Variants in METTL16 observed in about 807,000 individuals in gnomAD.
The protein encoded by METTL16 is RNA N(6)-adenosine-methyltransferase METTL16.
METTL16 carries 19 observed loss-of-function variants against 57.9 expected under a neutral mutation model. The ratio of observed to expected loss-of-function variants is 0.33; its 90% CI spans 0.23 to 0.48. The LOEUF (loss-of-function observed/expected upper bound fraction) is 0.48, where lower values mean the gene tolerates loss of function less well. Ranked by LOEUF, METTL16 falls within the 20% of genes least tolerant of loss-of-function variation. The pLI, the probability that METTL16 is intolerant of heterozygous loss-of-function variation, is 0.99. For missense variants in METTL16, 434 were observed against 691.5 expected, an observed-to-expected ratio of 0.63 and a Z score of 4.18; for synonymous variants, 246 against 255.6, an observed-to-expected ratio of 0.96 and a Z score of 0.36.
At chr17:2,503,203 T>TC (rs1241218651) in intron 1 of METTL16, among the ~76,000 whole-genome samples, 1 of 152,118 alleles carries the variant, frequency 6.6e-6, no homozygotes, top group Non-Finnish European at 1.5e-5. Context: ...AATCTGAGTG[T>TC]CCATCAGCAG....
Position 2,422,790 on chromosome 17 carries a change from C to T in METTL16, c.889-1886G>A, listed in dbSNP as rs544458921. Among the ~76,000 whole-genome samples, 6 of 152,030 alleles carry T rather than the reference C, an allele frequency of 3.9e-5. No homozygotes were observed. In the East Asian group the frequency reaches 1.2e-3, roughly 30 times the overall value. ...ATTGAGCTCAGGAGTTTGAGACCAG[C>T]CTGGCCAACATGGTGAAACCCCATC... On this transcript the variant is annotated intron_variant, in intron 8 of 9. Transcript: ENST00000263092.
chr17:2,437,785 A>T (rs1046713127), intron 8 of METTL16, among the ~76,000 whole-genome samples: 6 of 152,164 alleles, frequency 3.9e-5, no homozygotes, highest in Non-Finnish European at 8.8e-5. Flanking sequence ...CCTGGCCTCA[A>T]GTTATCCGCC....
Position 2,478,761 on chromosome 17 carries a change from C to T in METTL16, c.129-876G>A, listed in dbSNP as rs542509485. Among the ~76,000 whole-genome samples the T allele has an allele frequency of 2.6e-5, 4 of 152,324 alleles. No individual in the cohort carries two copies. In the East Asian group the frequency reaches 7.7e-4, roughly 29 times the overall value. Reference sequence around the variant, plus strand: ...ATAATGAGGTCTTCTGGTCACTTAACACAAGTTTGTGAGGTTCATCCATTT... The same window carrying T: ...ATAATGAGGTCTTCTGGTCACTTAATACAAGTTTGTGAGGTTCATCCATTT... On this transcript the variant is annotated intron_variant, in intron 2 of 9. Transcript: ENST00000263092.
At chr17:2,439,811 A>G (rs2066934031) in intron 7 of METTL16, among the ~76,000 whole-genome samples, 1 of 152,126 alleles carries the variant, frequency 6.6e-6, no homozygotes, top group African/African-American at 2.4e-5. Context: ...TTAGCCCTAA[A>G]AATATAAAAC....
intron 2 of METTL16, among the ~76,000 whole-genome samples, chr17:2,489,620 C>A (rs2067369129): frequency 6.8e-6 from 1 of 147,710 alleles, no homozygotes; most frequent in Non-Finnish European, 1.5e-5. Flanking sequence ...GTGCCTGTAA[C>A]CCCAGCTACT....
At chr17:2,422,330 C>T (rs1413999647) in intron 8 of METTL16, among the ~76,000 whole-genome samples, 2 of 119,468 alleles carry the variant, frequency 1.7e-5, no homozygotes, top group East Asian at 2.2e-4. Context: ...AGTGAAACTC[C>T]GTTTTAGAAA....
intron 3 of METTL16, among the ~76,000 whole-genome samples, chr17:2,474,436 A>G (rs905211201): frequency 3.3e-5 from 5 of 151,322 alleles, no homozygotes; most frequent in African/African-American, 1.2e-4. Context: ...CTCATCTCTC[A>G]GATGAGAAGA....
At chr17:2,471,685 A>C (rs2067236467) in intron 4 of METTL16, among the ~76,000 whole-genome samples, 1 of 152,014 alleles carries the variant, frequency 6.6e-6, no homozygotes, top group African/African-American at 2.4e-5. Context: ...GCTACTCGGG[A>C]GGTGAGGCAG....
chr17:2,464,104 A>T, intron 6 of METTL16, 104 bp downstream of exon 6: 2 of 1,235,344 alleles, frequency 1.6e-6, no homozygotes, highest in Non-Finnish European at 2.2e-6. Flanking sequence ...GCCTGGCAAC[A>T]AGAGCAAGAC....
At chr17:2,470,357 G>A (rs1271293128) in intron 4 of METTL16, among the ~76,000 whole-genome samples, 2 of 151,984 alleles carry the variant, frequency 1.3e-5, no homozygotes, top group Non-Finnish European at 2.9e-5. Context: ...ATAAAAGGAC[G>A]CTTGGTTCAC....
intron 2 of METTL16, among the ~76,000 whole-genome samples, chr17:2,500,456 T>A (rs1367928735): frequency 6.6e-6 from 1 of 152,062 alleles, no homozygotes; most frequent in East Asian, 2.0e-4. Context: ...CATTTTTGTA[T>A]TTTTAGTAGA....
intron 6 of METTL16, among the ~76,000 whole-genome samples, chr17:2,451,865 G>C (rs2067072975): frequency 6.6e-6 from 1 of 151,960 alleles, no homozygotes; most frequent in Admixed American, 6.6e-5. Context: ...AAAGATACTG[G>C]CTTGGCGTGG....
At chr17:2,501,663 G>C (rs1250466112) in intron 2 of METTL16, among the ~76,000 whole-genome samples, 1 of 152,098 alleles carries the variant, frequency 6.6e-6, no homozygotes, top group African/African-American at 2.4e-5. Flanking sequence ...TTCCAGACCA[G>C]TCTGACCAAC....
intron 2 of METTL16, among the ~76,000 whole-genome samples, chr17:2,486,529 C>A (rs2067342762): frequency 6.6e-6 from 1 of 152,028 alleles, no homozygotes. Context: ...CCTCGACCTC[C>A]CAAAGTGCTG....
chr17:2,475,905 A>G (rs2067265526), intron 3 of METTL16, among the ~76,000 whole-genome samples: 1 of 152,164 alleles, frequency 6.6e-6, no homozygotes, highest in African/African-American at 2.4e-5. Context: ...GCATAATTAA[A>G]ATCAAATTAG....
At position 2,420,835 on chromosome 17, in the gene METTL16, C is replaced by T. The variant is rs747282510; in HGVS notation, c.958G>A (p.Val320Met). The change falls in exon 9 of 10, where the codon GTG becomes ATG. Residue 320 changes from valine to methionine, a missense_variant. By Grantham distance (21) the Val-to-Met change is conservative. Transcript: ENST00000263092. This position sits in a 1 kb window ranked among gnomAD's most constrained non-coding sequence, Gnocchi z 5.4. ...KPITFVVLAS[V>M]MKELSLKASP... ...GCTTTGAGGGATAATTCCTTCATCA[C>T]GGACGCCAGCACCACGAATGTTATG... 16 of 1,614,214 alleles carry T rather than the reference C, an allele frequency of 9.9e-6. No individual in the cohort carries two copies. In the East Asian group the frequency reaches 1.3e-4, roughly 13 times the overall value.
intron 2 of METTL16, among the ~76,000 whole-genome samples, chr17:2,497,130 C>T (rs373883959): frequency 1.2e-4 from 18 of 150,182 alleles, no homozygotes; most frequent in African/African-American, 5.0e-5. Context: ...CTCAGCCTCC[C>T]GAGTAGCTGG....
intron 6 of METTL16, among the ~76,000 whole-genome samples, chr17:2,445,785 T>C (rs1056215662): frequency 7.3e-6 from 1 of 137,188 alleles, no homozygotes; most frequent in Non-Finnish European, 1.6e-5. Flanking sequence ...GACTCTAACT[T>C]AAAAAAAAAA....
At chr17:2,429,434 C>G (rs536287935) in intron 8 of METTL16, among the ~76,000 whole-genome samples, 1 of 150,444 alleles carries the variant, frequency 6.6e-6, no homozygotes. Flanking sequence ...GCAATCCGCC[C>G]GCCTCGGCCT....
Sources: allele counts gnomAD v4.1 joint callset (sites outside exome capture counted in the v4.1 genomes callset), GRCh38; gene constraint gnomAD v4.1.1; non-coding constraint Gnocchi (gnomAD v3.1); transcripts MANE v1.5; gene names NCBI Gene and HGNC (gene_info 2026-07-23, HGNC 2026-07-21).